Variants in NEK9 observed in about 807,000 individuals in gnomAD.
The protein encoded by NEK9 is NIMA related kinase 9.
A neutral mutation model predicts 123.4 loss-of-function variants in NEK9; 75 were observed. That is an observed-to-expected ratio of 0.61 (90% CI 0.50 to 0.74). NEK9 has a LOEUF of 0.74. NEK9 is among the 30% of genes least tolerant of loss of function. The probability of loss-of-function intolerance (pLI) is 0.00; values close to 1 mark genes in which losing one functional copy is unlikely to be tolerated. For synonymous variants in NEK9, 438 were observed against 458.7 expected (o/e 0.95, Z 0.58); for missense variants, 952 against 1,214.4 (o/e 0.78, Z 3.21).
At chr14:75,088,025 A>G (rs1431014183) in intron 20 of NEK9, among the ~76,000 whole-genome samples, 5 of 152,350 alleles carry the variant, frequency 3.3e-5, no homozygotes, top group East Asian at 3.9e-4. Flanking sequence ...AAAGTCTAAA[A>G]TAATTATGTA....
rs1895300392 is a variant in NEK9, at chr14:75,120,684, T to C, written c.454-104A>G. 12 of 864,332 alleles carry C rather than the reference T, an allele frequency of 1.4e-5. No homozygotes were observed. The East Asian group carries it at 1.8e-4, about 13-fold the overall frequency. The allele number at this position is 864,332 out of a possible 1,614,324, so 53.5% of individuals were successfully genotyped here. A position where few individuals can be genotyped will look rare whatever the true frequency, so the allele number is the denominator to read the frequency against. On this transcript the variant is annotated intron_variant, in intron 3 of 21. Transcript: ENST00000238616. ...AACAAAGAAAACTGCAACCAGAAGT[T>C]ATGATTCAACATGACTTGACATCTC...
chr14:75,102,971 C>T (rs571102768), intron 14 of NEK9, among the ~76,000 whole-genome samples: 2 of 151,648 alleles, frequency 1.3e-5, no homozygotes, highest in African/African-American at 4.8e-5. Context: ...CATGTTCTCA[C>T]TCATAGGTGG....
At chr14:75,126,277 C>T (rs1189865252) in intron 1 of NEK9, among the ~76,000 whole-genome samples, 1 of 152,052 alleles carries the variant, frequency 6.6e-6, no homozygotes, top group African/African-American at 2.4e-5. Context: ...CTATGCCCCT[C>T]CTCCTCACCC....
At chr14:75,117,085 AG>A in intron 6 of NEK9, 109 bp downstream of exon 6, 7 of 1,249,252 alleles carry the variant, frequency 5.6e-6, no homozygotes, top group Non-Finnish European at 7.7e-6. Context: ...ACCTGAATAC[AG>A]GTTATTTTTG....
chr14:75,103,151 C>A (rs567772562), intron 14 of NEK9, among the ~76,000 whole-genome samples: 3 of 151,222 alleles, frequency 2.0e-5, no homozygotes, highest in African/African-American at 7.3e-5. Flanking sequence ...ATGTAACAAA[C>A]CTGCACGTTG....
chr14:75,093,297 A>G (rs1311675816), intron 18 of NEK9, among the ~76,000 whole-genome samples: 2 of 152,192 alleles, frequency 1.3e-5, no homozygotes, highest in Non-Finnish European at 2.9e-5. Context: ...GCTGAACTAG[A>G]GCATTACCTA....
At chr14:75,126,657 C>A (rs1284283689) in intron 1 of NEK9, 46 bp downstream of exon 1, 14 of 1,351,906 alleles carry the variant, frequency 1.0e-5, no homozygotes, top group Middle Eastern at 2.7e-4. Flanking sequence ...GGACTCGGGG[C>A]GACCCGACAG....
chr14:75,112,226 T>C (rs917905481), intron 8 of NEK9, among the ~76,000 whole-genome samples: 3 of 152,156 alleles, frequency 2.0e-5, no homozygotes, highest in Non-Finnish European at 4.4e-5. Context: ...ATGTGAATAT[T>C]TGGAAGATAT....
chr14:75,127,059 C>T (rs925776900), upstream of NEK9: 3 of 639,000 alleles, frequency 4.7e-6, no homozygotes, highest in Non-Finnish European at 5.1e-6. Flanking sequence ...GGCTCCTGCC[C>T]CCCGACCCGG....
At chr14:75,106,406 C>T in intron 12 of NEK9, 96 bp downstream of exon 12, 3 of 661,926 alleles carry the variant, frequency 4.5e-6, no homozygotes, top group Non-Finnish European at 8.1e-6. Context: ...ATTAACACTT[C>T]TCATTTAGGG....
At position 75,087,224 on chromosome 14, in the gene NEK9, G is replaced by A. The variant is rs1320698720; in HGVS notation, c.2611C>T (p.Arg871Trp). Residue 871 changes from arginine to tryptophan, a missense_variant, in exon 21 of 22, where the codon CGG becomes TGG. Physicochemically the swap from Arg to Trp is moderately radical, Grantham distance 101 (BLOSUM62 -3). Coordinates refer to ENST00000238616, the MANE Select transcript of NEK9 (RefSeq NM_033116.6). Reference sequence around the variant, plus strand: ...GCACAGGTTACTGCAGGATTCAGCCGAGGTGACTAGAGAGACAAGAAGGAG... The same window carrying A: ...GCACAGGTTACTGCAGGATTCAGCCAAGGTGACTAGAGAGACAAGAAGGAG... ...HKPQVEASSPRLNPAVTCAGK... is the reference protein window; with the variant it reads ...HKPQVEASSPWLNPAVTCAGK... 5 of 1,604,348 alleles carry A rather than the reference G, an allele frequency of 3.1e-6. No homozygotes were observed. The highest frequency in any genetic ancestry group is 1.3e-5 in the African/African-American group (1 of 74,782).
chr14:75,104,809 C>T (rs894351565), intron 13 of NEK9, among the ~76,000 whole-genome samples: 1 of 152,188 alleles, frequency 6.6e-6, no homozygotes, highest in Non-Finnish European at 1.5e-5. Flanking sequence ...ACGAAGAGCT[C>T]AAGTTTTACA....
intron 14 of NEK9, among the ~76,000 whole-genome samples, chr14:75,103,397 A>G (rs1478105865): frequency 2.0e-5 from 3 of 152,166 alleles, no homozygotes; most frequent in Non-Finnish European, 4.4e-5. Context: ...GCTTGTTCCT[A>G]TTTCAATAAG....
chr14:75,124,775 C>CT (rs34921975), intron 1 of NEK9, among the ~76,000 whole-genome samples: 6,469 of 124,940 alleles, frequency 0.052, 194 homozygotes, highest in African/African-American at 0.069. Flanking sequence ...TGTCTACTAT[C>CT]TTTTTTTTTT....
intron 4 of NEK9, among the ~76,000 whole-genome samples, chr14:75,119,792 A>C (rs558070753): frequency 9.8e-5 from 15 of 152,334 alleles, no homozygotes; most frequent in African/African-American, 2.2e-4. Context: ...AAACAAAATA[A>C]CTGTGCCTGG....
At chr14:75,113,838 A>G (rs994130212) in intron 7 of NEK9, among the ~76,000 whole-genome samples, 3 of 152,230 alleles carry the variant, frequency 2.0e-5, no homozygotes, top group African/African-American at 7.2e-5. Flanking sequence ...AGAACTACAC[A>G]GCAAGGGAAC....
Position 75,120,513 on chromosome 14 carries a change from T to G in NEK9, c.521A>C (p.His174Pro), listed in dbSNP as rs752022352. The change falls in exon 4 of 22, where the codon CAT (histidine) becomes CCT (proline). Residue 174 changes from histidine to proline, a missense_variant. Transcript: ENST00000238616. ...VSCIHKAGILHRDIKTLNIFL... is the reference protein window; with the variant it reads ...VSCIHKAGILPRDIKTLNIFL... ...CATAATTTTTTTTACTTCTTACCTATGAAGGATTCCAGCTTTATGGATGCA... is the reference window on the plus strand; with the variant it reads ...CATAATTTTTTTTACTTCTTACCTAGGAAGGATTCCAGCTTTATGGATGCA... The G allele has an allele frequency of 1.9e-6, 3 of 1,611,000 alleles. No homozygotes were observed. Among genetic ancestry groups the G allele is most frequent in the African/African-American group, 2.7e-5 (2 of 74,856 alleles).
At chr14:75,105,146 A>C (rs772064597) in intron 13 of NEK9, among the ~76,000 whole-genome samples, 10 of 152,162 alleles carry the variant, frequency 6.6e-5, no homozygotes, top group Non-Finnish European at 1.3e-4. Flanking sequence ...GTCACAATGG[A>C]TGTGTGTAAA....
Position 75,083,153 on chromosome 14 carries a change from A to G in NEK9, c.*1411T>C. The G allele has an allele frequency of 2.5e-6, 1 of 398,600 alleles. No homozygotes were observed. The highest frequency in any genetic ancestry group is 4.4e-5 in the Admixed American group (1 of 22,734). 24.7% of individuals were successfully genotyped at this position (398,600 alleles called of 1,614,324 possible). A position where few individuals can be genotyped will look rare whatever the true frequency, so the allele number is the denominator to read the frequency against. ...ATTTTGGTCTGGGGAAGATGAAACA[A>G]AATTAATTTAGCTGTTTATAGGAAG... On this transcript the variant is annotated 3_prime_UTR_variant, in exon 22 of 22. Coordinates refer to ENST00000238616, the MANE Select transcript of NEK9 (RefSeq NM_033116.6).
Sources: gnomAD v4.1 joint callset for allele counts (sites outside exome capture counted in the v4.1 genomes callset) on GRCh38, gnomAD v4.1.1 for gene constraint, MANE v1.5 for transcripts, NCBI Gene and HGNC (gene_info 2026-07-23, HGNC 2026-07-21) for gene names.